The following ZNF721 variants were observed in gnomAD, a reference collection of about 807,000 sequenced individuals.
ZNF721 encodes zinc finger protein 721.
In ZNF721, 2 loss-of-function variants were observed where a neutral mutation model predicts 2.4. The ratio of observed to expected loss-of-function variants is 0.82; its 90% CI spans 0.34 to 2.58. ZNF721 has a LOEUF of 2.58. Ranked by LOEUF, ZNF721 falls within the 30% of genes most tolerant of loss-of-function variation. The pLI is 0.11. For missense variants in ZNF721, 1,187 were observed against 1,085.5 expected (o/e 1.09, Z -1.31); for synonymous variants, 398 against 381.8 (o/e 1.04, Z -0.50).
intron 2 of ZNF721, among the ~76,000 whole-genome samples, chr4:463,577 T>C (rs1297425060): frequency 1.3e-5 from 2 of 151,970 alleles, no homozygotes; most frequent in African/African-American, 2.4e-5. Flanking sequence ...TATGGAGCCA[T>C]AAAAAAGGAT....
chr4:443,317 T>C lies in ZNF721; in HGVS notation c.1150A>G (p.Thr384Ala). The C allele has an allele frequency of 1.2e-6, 2 of 1,614,100 alleles. No homozygotes were observed. Among genetic ancestry groups the C allele is most frequent in the Non-Finnish European group, 1.7e-6 (2 of 1,179,978 alleles). Residue 384 changes from threonine (T) to alanine (A), a missense_variant, in exon 3 of 3, where the codon ACT (threonine) becomes GCT (alanine). By Grantham distance (58) the Thr-to-Ala change is moderately conservative. Coordinates refer to ENST00000511833, the MANE Select transcript of ZNF721 (RefSeq NM_133474.4). ...TCACATTTGTAAGGTTTCTCTCCAG[T>C]ATGAATTTTCTTGTGTTGATTCAGG... is the stretch of plus-strand genomic sequence containing the variant. ...TALNQHKKIH[T>A]GEKPYKCEEC...
At chr4:466,834 T>G (rs986953071) in intron 2 of ZNF721, among the ~76,000 whole-genome samples, 3 of 152,212 alleles carry the variant, frequency 2.0e-5, no homozygotes, top group Non-Finnish European at 2.9e-5. Flanking sequence ...TGATGTGAGA[T>G]TTGAATGGCG....
chr4:454,274 C>G (rs1714768189), intron 2 of ZNF721, among the ~76,000 whole-genome samples: 1 of 152,178 alleles, frequency 6.6e-6, no homozygotes, highest in Non-Finnish European at 1.5e-5. Context: ...CGCTGGACTC[C>G]CTGGTGGTGA....
intron 2 of ZNF721, among the ~76,000 whole-genome samples, chr4:459,265 G>C (rs1014468734): frequency 1.3e-5 from 2 of 152,058 alleles, no homozygotes; most frequent in African/African-American, 4.8e-5. Flanking sequence ...TAACCAGCTA[G>C]CATCATAATG....
At chr4:473,625 G>A (rs1296924784) in intron 1 of ZNF721, among the ~76,000 whole-genome samples, 4 of 152,178 alleles carry the variant, frequency 2.6e-5, no homozygotes, top group African/African-American at 4.8e-5. Flanking sequence ...TGTTTTGATG[G>A]GGCCTCGATC....
chr4:471,852 TATCAA>T (rs1715446654), intron 2 of ZNF721, among the ~76,000 whole-genome samples: 1 of 152,154 alleles, frequency 6.6e-6, no homozygotes, highest in Non-Finnish European at 1.5e-5. Flanking sequence ...AATATATGCA[TATCAA>T]ATCATTACAT....
Position 441,063 on chromosome 4 carries a change from A to C in ZNF721, c.*632T>G, listed in dbSNP as rs1714216939. The C allele has an allele frequency of 6.6e-6, 1 of 152,252 alleles. No homozygotes were observed. Among genetic ancestry groups the C allele is most frequent in the Admixed American group, 6.5e-5 (1 of 15,276 alleles). The allele number at this position is 152,252 out of a possible 1,614,324, so 9.4% of individuals were successfully genotyped here. On this transcript the variant is annotated 3_prime_UTR_variant, in exon 3 of 3. Coordinates refer to ENST00000511833, the MANE Select transcript of ZNF721 (RefSeq NM_133474.4). ...ATATAAATTCTCTGATGTTGAACAA[A>C]GTTTAAGCAACTGCTTCAGAGTTTT...
chr4:498,726 C>CTTTTTTTTTT, intron 1 of ZNF721, among the ~76,000 whole-genome samples: 1 of 132,552 alleles, frequency 7.5e-6, no homozygotes, highest in Non-Finnish European at 1.6e-5. Flanking sequence ...GTTGAATTTT[C>CTTTTTTTTTT]TTTTTTTTTT....
rs147667951 is a variant in ZNF721, at chr4:465,650, T to C, written c.34+6925A>G. ...GTTTCCACCATGTTAGCCAGGATGGTCTCGATCTCCTGACCTCATGATCGG... is the reference window on the plus strand; with the variant it reads ...GTTTCCACCATGTTAGCCAGGATGGCCTCGATCTCCTGACCTCATGATCGG... On this transcript the variant is annotated intron_variant, in intron 2 of 2. Transcript: ENST00000511833. Among the ~76,000 whole-genome samples, 30 of 151,966 alleles carry C rather than the reference T, an allele frequency of 2.0e-4. No homozygotes were observed. The East Asian group carries it at 5.2e-3, about 27-fold the overall frequency.
chr4:494,625 G>A (rs1042088114), intron 1 of ZNF721, among the ~76,000 whole-genome samples: 1 of 152,164 alleles, frequency 6.6e-6, no homozygotes, highest in Admixed American at 6.6e-5. Context: ...AACAACTCAG[G>A]TGAAAATCAA....
At chr4:473,032 T>C (rs1349867505) in intron 1 of ZNF721, among the ~76,000 whole-genome samples, 1 of 152,044 alleles carries the variant, frequency 6.6e-6, no homozygotes, top group South Asian at 2.1e-4. Flanking sequence ...CTTGCTATAA[T>C]ATGCGAGGAA....
intron 1 of ZNF721, among the ~76,000 whole-genome samples, chr4:474,981 G>A (rs1317788464): frequency 1.3e-5 from 2 of 152,034 alleles, no homozygotes; most frequent in Non-Finnish European, 2.9e-5. Context: ...GAGGTCCGGA[G>A]ATCGAGACCA....
chr4:483,904 T>C (rs1178082675), intron 1 of ZNF721, among the ~76,000 whole-genome samples: 3 of 152,110 alleles, frequency 2.0e-5, no homozygotes, highest in African/African-American at 7.2e-5. Context: ...CTCAGCCTCC[T>C]GGATTCAAGC....
chr4:465,959 T>C (rs927509384), intron 2 of ZNF721, among the ~76,000 whole-genome samples: 1 of 151,980 alleles, frequency 6.6e-6, no homozygotes, highest in African/African-American at 2.4e-5. Flanking sequence ...TCATAAGTTA[T>C]TTCTCTGCCT....
intron 1 of ZNF721, among the ~76,000 whole-genome samples, chr4:486,531 A>T (rs1182969785): frequency 6.6e-6 from 1 of 152,186 alleles, no homozygotes; most frequent in Admixed American, 6.5e-5. Flanking sequence ...GTCTTAGAAA[A>T]CATCTTGGCT....
intron 1 of ZNF721, among the ~76,000 whole-genome samples, chr4:482,551 A>G (rs1715796678): frequency 6.7e-6 from 1 of 149,868 alleles, no homozygotes; most frequent in African/African-American, 2.5e-5. Flanking sequence ...GGTTGAAGTG[A>G]AGTGGCGTGA....
intron 1 of ZNF721, among the ~76,000 whole-genome samples, chr4:480,689 TAA>T (rs1157060799): frequency 6.6e-6 from 1 of 152,208 alleles, no homozygotes; most frequent in African/African-American, 2.4e-5. Context: ...CTGAATGTCC[TAA>T]AGTTTTATAC....
chr4:469,017 A>G (rs2108709289), intron 2 of ZNF721, among the ~76,000 whole-genome samples: 1 of 152,364 alleles, frequency 6.6e-6, no homozygotes, highest in East Asian at 1.9e-4. Flanking sequence ...ATGAAACCCT[A>G]GAGTAGAATA....
chr4:443,072 T>C lies in ZNF721; in HGVS notation c.1395A>G (p.Lys465=). Residue 465 remains lysine (K), a synonymous_variant, in exon 3 of 3, where the codon AAA becomes AAG. Transcript: ENST00000511833. The stretch of plus-strand genomic sequence containing the variant: ...TGTAGGGTTTCTTTCCAGTATGAAT[T>C]TTCTCATGTTTATTCAGGTGCAAGG... The part of the protein sequence containing the change: ...IHSLHLNKHE[K]IHTGKKPYKC... 6.2e-7 allele frequency: 1 copy of C among 1,613,868 alleles called. No individual in the cohort carries two copies.
Sources: gnomAD v4.1 joint callset for allele counts (sites outside exome capture counted in the v4.1 genomes callset) on GRCh38, gnomAD v4.1.1 for gene constraint, MANE v1.5 for transcripts, NCBI Gene and HGNC (gene_info 2026-07-23, HGNC 2026-07-21) for gene names.